Variants in GLB1L2 observed in about 807,000 individuals in gnomAD.
GLB1L2 encodes beta-galactosidase-1-like protein 2.
A neutral mutation model predicts 84.1 loss-of-function variants in GLB1L2; 68 were observed. The ratio of observed to expected loss-of-function variants is 0.81; its 90% CI spans 0.67 to 0.99. GLB1L2 has a LOEUF of 0.99. Ranked by LOEUF, GLB1L2 falls within the 50% of genes least tolerant of loss-of-function variation. The pLI is 0.00. For missense variants in GLB1L2, 762 were observed against 805.6 expected (o/e 0.95, Z 0.66); for synonymous variants, 290 against 318.0 (o/e 0.91, Z 0.94).
intron 5 of GLB1L2, among the ~76,000 whole-genome samples, chr11:134,354,172 TA>T (rs1291967611): frequency 6.6e-6 from 1 of 152,192 alleles, no homozygotes. Flanking sequence ...GACACTTTTT[TA>T]TAACGATTCC....
intron 1 of GLB1L2, among the ~76,000 whole-genome samples, chr11:134,335,463 A>G (rs977600410): frequency 1.3e-5 from 2 of 152,098 alleles, no homozygotes; most frequent in Non-Finnish European, 2.9e-5. Flanking sequence ...TGTCTCTTTC[A>G]GCAGGTGATC....
chr11:134,340,213 T>A (rs964672523), intron 1 of GLB1L2, among the ~76,000 whole-genome samples: 5 of 152,142 alleles, frequency 3.3e-5, no homozygotes, highest in African/African-American at 1.2e-4. Flanking sequence ...GGCTGGAGAA[T>A]AAGGTTTGGT....
At chr11:134,356,186 G>T in intron 5 of GLB1L2, 115 bp from the exon 6 acceptor site, 1 of 795,198 alleles carries the variant, frequency 1.3e-6, no homozygotes, top group Non-Finnish European at 2.2e-6. Flanking sequence ...CTAATCTTTT[G>T]AGATTTTAGT....
rs540877082 is a variant in GLB1L2 at position 134,366,392 on chromosome 11, C to T, written c.805-865C>T. On this transcript the variant is annotated intron_variant, in intron 8 of 18. Coordinates refer to ENST00000535456, the MANE Select transcript of GLB1L2 (RefSeq NM_001370461.1). The stretch of plus-strand genomic sequence containing the variant: ...AATGGACCGTGAGTTTGTCCCATCC[C>T]CCTGGATCAGATTTTGTTGCTGTGT... 7.9e-5 allele frequency among the ~76,000 whole-genome samples: 12 copies of T among 152,296 alleles called. No homozygotes were observed. In the East Asian group the frequency reaches 2.3e-3, roughly 29 times the overall value.
rs1228540558 is a variant in GLB1L2, at chr11:134,374,312, G to A, written c.1707+56G>A. 1.3e-4 allele frequency: 175 copies of A among 1,369,374 alleles called. 1 individual carries two copies. The East Asian group carries it at 4.0e-3, about 31-fold the overall frequency. The allele number at this position is 1,369,374 out of a possible 1,614,324, so 84.8% of individuals were successfully genotyped here. A position where few individuals can be genotyped will look rare whatever the true frequency, so the allele number is the denominator to read the frequency against. On this transcript the variant is annotated intron_variant, in intron 17 of 18. Transcript: ENST00000535456. ...TCCCACCTGCCTCCCGCCTTGGAGG[G>A]CTCTGAGCCAAAGCCACGAGCTTGG...
chr11:134,353,014 A>T lies in GLB1L2; in HGVS notation c.559-3287A>T, dbSNP rs1943654022. Among the ~76,000 whole-genome samples, 3 of 152,196 alleles carry T rather than the reference A, an allele frequency of 2.0e-5. No individual in the cohort carries two copies. The South Asian group carries it at 6.2e-4, about 32-fold the overall frequency. ...CTATTGGTGAAGATTTTATTTCCAC[A>T]TACTTGAATTTTTCAGGACTTTTTT... On this transcript the variant is annotated intron_variant, in intron 5 of 18. Transcript: ENST00000535456.
intron 7 of GLB1L2, chr11:134,361,452 C>G (rs1001892322): frequency 3.3e-5 from 5 of 152,340 alleles, no homozygotes; most frequent in African/African-American, 4.8e-5. Context: ...CAACGGTTCA[C>G]TGCAGGCACC....
At chr11:134,365,685 G>A (rs1421708171) in intron 8 of GLB1L2, among the ~76,000 whole-genome samples, 2 of 152,204 alleles carry the variant, frequency 1.3e-5, no homozygotes, top group Admixed American at 1.3e-4. Context: ...GCCTTCCCAG[G>A]CCAGCTGTCC....
At chr11:134,347,484 G>A (rs202190467) in intron 5 of GLB1L2, 51 bp downstream of exon 5, 39 of 1,295,942 alleles carry the variant, frequency 3.0e-5, no homozygotes, top group Admixed American at 2.0e-4. Context: ...CCTCTAGGTC[G>A]TGGATCATCC....
rs1234268645 is a variant in GLB1L2 at position 134,356,319 on chromosome 11, A to T, written c.577A>T (p.Ile193Phe). 44 of 1,613,944 alleles carry T rather than the reference A, an allele frequency of 2.7e-5. No individual in the cohort carries two copies. The highest frequency in any genetic ancestry group is 3.6e-5 in the Non-Finnish European group (42 of 1,179,944). ...TCCGCAGTACAAGCGTGGGGGACCT[A>T]TCATTGCCGTGCAGGTGGAGAATGA... ...VPLQYKRGGP[I>F]IAVQVENEYG... Residue 193 changes from isoleucine to phenylalanine, a missense_variant, in exon 6 of 19, where the codon ATC (isoleucine) becomes TTC (phenylalanine). Around this residue, in one of 3 missense-constraint regions of GLB1L2, gnomAD observed 603 missense variants for 611.7 expected, o/e 0.99. Coordinates refer to ENST00000535456, the MANE Select transcript of GLB1L2 (RefSeq NM_001370461.1).
chr11:134,366,553 C>T (rs565420302), intron 8 of GLB1L2, among the ~76,000 whole-genome samples: 1 of 152,224 alleles, frequency 6.6e-6, no homozygotes, highest in African/African-American at 2.4e-5. Flanking sequence ...CCCCCAGGTG[C>T]TCTGGGCTTC....
At position 134,365,879 on chromosome 11, in the gene GLB1L2, A is replaced by G. The variant is rs183282763; in HGVS notation, c.805-1378A>G. The stretch of plus-strand genomic sequence containing the variant: ...AGCACCTCACTCGTCCTCTGTGTCC[A>G]TGACCCGTGATGGACAGAACTATGC... On this transcript the variant is annotated intron_variant, in intron 8 of 18. Transcript: ENST00000535456. Among the ~76,000 whole-genome samples, 37 of 152,310 alleles carry G rather than the reference A, an allele frequency of 2.4e-4. No homozygotes were observed. In the East Asian group the frequency reaches 3.5e-3, roughly 14 times the overall value.
chr11:134,349,814 A>G (rs1201444351), intron 5 of GLB1L2, among the ~76,000 whole-genome samples: 1 of 152,006 alleles, frequency 6.6e-6, no homozygotes, highest in Non-Finnish European at 1.5e-5. Flanking sequence ...AATTCTTTTT[A>G]CTTTCTGGAG....
Position 134,371,141 on chromosome 11 carries a change from G to C in GLB1L2, c.1349G>C (p.Arg450Pro), listed in dbSNP as rs761240157. The change falls in exon 13 of 19, where the codon CGG (arginine) becomes CCG (proline). Residue 450 changes from arginine to proline, a missense_variant. Physicochemically the swap from Arg to Pro is moderately radical, Grantham distance 103. Coordinates refer to ENST00000535456, the MANE Select transcript of GLB1L2 (RefSeq NM_001370461.1). The part of the protein sequence containing the change: ...SGILSGHVHD[R>P]GQVFVNTVSI... ...ATCCTCAGTGGCCACGTGCATGATCGGGGGCAGGTAGGAGCTTCTCTTCTA... is the reference window on the plus strand; with the variant it reads ...ATCCTCAGTGGCCACGTGCATGATCCGGGGCAGGTAGGAGCTTCTCTTCTA... 6.2e-7 allele frequency: 1 copy of C among 1,614,140 alleles called. No individual in the cohort carries two copies.
chr11:134,348,915 A>G (rs1279464888), intron 5 of GLB1L2, among the ~76,000 whole-genome samples: 1 of 152,206 alleles, frequency 6.6e-6, no homozygotes, highest in Non-Finnish European at 1.5e-5. Flanking sequence ...CTCTTATAAG[A>G]GCACTAGCCC....
Position 134,333,920 on chromosome 11 carries a change from G to A in GLB1L2, c.86+1773G>A, listed in dbSNP as rs566735614. On this transcript the variant is annotated intron_variant, in intron 1 of 18. Coordinates refer to ENST00000535456, the MANE Select transcript of GLB1L2 (RefSeq NM_001370461.1). The stretch of plus-strand genomic sequence containing the variant: ...AGAAGCTCAAGGAGCTCTGAACCAA[G>A]TTCAGGGCCGTGTCTTCAGATCCTG... Among the ~76,000 whole-genome samples, 105 of 152,332 alleles carry A rather than the reference G, an allele frequency of 6.9e-4. 1 individual carries two copies. Among genetic ancestry groups the A allele is most frequent in the African/African-American group, 2.5e-3 (102 of 41,560 alleles).
chr11:134,343,189 G>A (rs771416260), intron 2 of GLB1L2, among the ~76,000 whole-genome samples: 44 of 152,188 alleles, frequency 2.9e-4, no homozygotes, highest in Admixed American at 9.2e-4. Context: ...TAGGGAAGGC[G>A]GTGAGTGCAG....
chr11:134,367,170 G>A (rs1943876713), intron 8 of GLB1L2, 87 bp from the exon 9 acceptor site: 1 of 1,118,582 alleles, frequency 8.9e-7, no homozygotes, highest in African/African-American at 1.5e-5. Flanking sequence ...AGAGAGGGCA[G>A]AGATCCTGGG....
chr11:134,347,442 A>G lies in GLB1L2; in HGVS notation c.558+9A>G. ...GGGTGGTGCCACTCCAGGTACAAGC[A>G]AATGGGGTCTTCTTTGATCTTGGTC... On this transcript the variant is annotated intron_variant, in intron 5 of 18. Coordinates refer to ENST00000535456, the MANE Select transcript of GLB1L2 (RefSeq NM_001370461.1). 6.4e-7 allele frequency: 1 copy of G among 1,572,826 alleles called. No individual in the cohort carries two copies. Among genetic ancestry groups the G allele is most frequent in the Non-Finnish European group, 8.8e-7 (1 of 1,142,374 alleles).
Sources: gnomAD v4.1 joint callset for allele counts (sites outside exome capture counted in the v4.1 genomes callset) on GRCh38, gnomAD v4.1.1 for gene constraint, gnomAD v4.1.1 regional missense constraint, MANE v1.5 for transcripts, NCBI Gene and HGNC (gene_info 2026-07-23, HGNC 2026-07-21) for gene names.